The following NPHP4 variants were observed in gnomAD, a reference collection of about 807,000 sequenced individuals.
NPHP4 encodes the protein nephrocystin 4.
NPHP4 carries 151 observed loss-of-function variants against 155.8 expected under a neutral mutation model. That is an observed-to-expected ratio of 0.97 (90% CI 0.85 to 1.11). NPHP4 has a LOEUF of 1.11. Among genes scored for constraint, NPHP4 ranks in the 50% least tolerant of loss-of-function variants. The probability of loss-of-function intolerance (pLI) is 0.00; values close to 1 mark genes in which losing one functional copy is unlikely to be tolerated. For missense variants in NPHP4, 1,956 were observed against 1,925.7 expected (o/e 1.02, Z -0.29); for synonymous variants, 845 against 816.8 (o/e 1.03, Z -0.59).
intron 20 of NPHP4, among the ~76,000 whole-genome samples, chr1:5,875,310 G>A (rs947050360): frequency 6.7e-6 from 1 of 149,054 alleles, no homozygotes; most frequent in African/African-American, 2.5e-5. Context: ...ACAGAGATCT[G>A]CTGGCTGTGT....
At chr1:5,879,777 GCA>G (rs1228492162) in intron 19 of NPHP4, 280 of 349,632 alleles carry the variant, frequency 8.0e-4, no homozygotes, top group Middle Eastern at 1.9e-3. Context: ...CGAATGGTGC[GCA>G]CACACACACA....
At chr1:5,901,543 A>C (rs551756448) in intron 16 of NPHP4, among the ~76,000 whole-genome samples, 10 of 152,348 alleles carry the variant, frequency 6.6e-5, no homozygotes, top group African/African-American at 1.9e-4. Flanking sequence ...ATTTCTTTGG[A>C]CTTCAACTTG....
At position 5,986,032 on chromosome 1, in the gene NPHP4, C is replaced by T; in HGVS notation, c.135+123G>A. On this transcript the variant is annotated intron_variant, in intron 2 of 29. Transcript: ENST00000378156. ...AAAAACAGAATGGCTATATGGGTAC[C>T]ACCATAAAGTAGCAAAATCAAAAAT... The T allele has an allele frequency of 1.9e-6, 2 of 1,033,074 alleles. 1 individual carries two copies. The highest frequency in any genetic ancestry group is 5.1e-5 in the East Asian group (2 of 39,152). 64.0% of individuals were successfully genotyped at this position (1,033,074 alleles called of 1,614,324 possible).
chr1:5,881,146 C>T (rs910854484), intron 18 of NPHP4: 4 of 152,264 alleles, frequency 2.6e-5, no homozygotes, highest in Non-Finnish European at 5.9e-5. Flanking sequence ...GACTTCCACA[C>T]TGGCCAGGTC....
intron 9 of NPHP4, among the ~76,000 whole-genome samples, chr1:5,939,887 C>A (rs960318520): frequency 6.6e-6 from 1 of 152,098 alleles, no homozygotes. Flanking sequence ...GTTAGCCCAA[C>A]GCAGTTGACA....
Position 5,877,099 on chromosome 1 carries a change from G to A in NPHP4, c.2811C>T (p.Ser937=), listed in dbSNP as rs758757125. 8.6e-5 allele frequency: 134 copies of A among 1,564,666 alleles called. No homozygotes were observed. In the Admixed American group the frequency reaches 1.4e-3, roughly 16 times the overall value. The change falls in exon 20 of 30, where the codon AGC becomes AGT. Residue 937 remains serine, a synonymous_variant. Coordinates refer to ENST00000378156, the MANE Select transcript of NPHP4 (RefSeq NM_015102.5). The part of the protein sequence containing the change: ...AGGDLGRRGT[S]VLAQQSVRTQ... ...CAGCTGAACAAACCCTTACCAACAC[G>A]CTCGTCCCGCGCCGGCCCAAGTCTC...
intron 3 of NPHP4, among the ~76,000 whole-genome samples, chr1:5,977,647 A>G (rs1219026119): frequency 1.3e-5 from 2 of 150,916 alleles, no homozygotes; most frequent in African/African-American, 2.4e-5. Context: ...TATGCTGTGC[A>G]GTGAACCACA....
chr1:5,932,327 T>C (rs1255710259), intron 10 of NPHP4, among the ~76,000 whole-genome samples: 1 of 152,238 alleles, frequency 6.6e-6, no homozygotes, highest in Non-Finnish European at 1.5e-5. Flanking sequence ...ACTTTCAAAA[T>C]CATAGTCAAT....
At chr1:5,958,856 CAAAAA>C (rs397705325) in intron 6 of NPHP4, among the ~76,000 whole-genome samples, 2 of 75,874 alleles carry the variant, frequency 2.6e-5, no homozygotes, top group Admixed American at 1.7e-4. Context: ...GACCCTGTCT[CAAAAA>C]AAAAAAAAAA....
intron 9 of NPHP4, among the ~76,000 whole-genome samples, chr1:5,938,944 A>G (rs1322686809): frequency 6.6e-6 from 1 of 152,244 alleles, no homozygotes; most frequent in African/African-American, 2.4e-5. Context: ...TGACATTTTC[A>G]TTGACGGAAA....
Position 5,933,209 on chromosome 1 carries a change from G to A in NPHP4, c.1240C>T (p.Gln414Ter), listed in dbSNP as rs1173382344. 6.2e-7 allele frequency: 1 copy of A among 1,613,864 alleles called. No homozygotes were observed. The highest frequency in any genetic ancestry group is 1.1e-5 in the South Asian group (1 of 91,084). Residue 414 changes from glutamine (Q) to a stop codon, truncating the protein, a stop_gained, in exon 10 of 30, where the codon CAG (glutamine) becomes TAG (stop). Transcript: ENST00000378156. LOFTEE classifies it high-confidence loss of function. ...RVTLPLQGGI[Q>*]PNPSHCLVYK... is the part of the protein sequence containing the mutation. ...ACCAGACAGTGCGAGGGGTTGGGCT[G>A]GATCCCACCCTGCAGAGGCAGGGTC...
rs540402276 is a variant in NPHP4 at position 5,961,794 on chromosome 1, C to G, written c.673G>C (p.Gly225Arg). The G allele has an allele frequency of 6.2e-7, 1 of 1,610,610 alleles. No individual in the cohort carries two copies. Among genetic ancestry groups the G allele is most frequent in the Non-Finnish European group, 8.5e-7 (1 of 1,178,374 alleles). ...TGGAGAGAATCAAAGACGCCCTTACCGGATTCTCCATGAGCTGGAAGCAGG... is the reference window on the plus strand; with the variant it reads ...TGGAGAGAATCAAAGACGCCCTTACGGGATTCTCCATGAGCTGGAAGCAGG... ...PGLLPAHGESGDALRKPRLQK... is the reference protein window; with the variant it reads ...PGLLPAHGESRDALRKPRLQK... The change falls in exon 6 of 30, where the codon GGC (glycine) becomes CGC (arginine). Residue 225 changes from glycine to arginine, a missense_variant and splice_region_variant. Coordinates refer to ENST00000378156, the MANE Select transcript of NPHP4 (RefSeq NM_015102.5).
rs766088144 is a variant in NPHP4 at position 5,890,954 on chromosome 1, G to A, written c.2218C>T (p.Arg740Cys). The A allele has an allele frequency of 1.1e-5, 17 of 1,603,228 alleles. No homozygotes were observed. The highest frequency in any genetic ancestry group is 3.4e-5 in the Admixed American group (2 of 59,512). Residue 740 changes from arginine to cysteine, a missense_variant, in exon 17 of 30, where the codon CGC becomes TGC. Physicochemically the swap from Arg to Cys is radical, Grantham distance 180. Coordinates refer to ENST00000378156, the MANE Select transcript of NPHP4 (RefSeq NM_015102.5). The surrounding 1 kb of genome is among the most constrained non-coding windows in gnomAD (Gnocchi z 4.9). ...TGCAGGGTCTGCACGGCCAGGTAGC[G>A]GGCAAAGCAGCGCCGCTCACCTGGC... ...LKPGERRCFA[R>C]YLAVQTLQID... is the part of the protein sequence containing the mutation.
chr1:5,936,177 T>C (rs1646527726), intron 9 of NPHP4, among the ~76,000 whole-genome samples: 1 of 152,194 alleles, frequency 6.6e-6, no homozygotes, highest in African/African-American at 2.4e-5. Flanking sequence ...AAACATGCAT[T>C]TTTCCTCACT....
chr1:5,887,054 G>A (rs1419169942), intron 18 of NPHP4: 6 of 521,238 alleles, frequency 1.2e-5, no homozygotes, highest in East Asian at 6.1e-5. Flanking sequence ...AGGAGAGCCC[G>A]AGATGACTGA....
chr1:5,904,134 A>G (rs904762379), intron 16 of NPHP4, among the ~76,000 whole-genome samples: 7 of 152,358 alleles, frequency 4.6e-5, no homozygotes, highest in Non-Finnish European at 1.0e-4. Flanking sequence ...GAAACAACAG[A>G]GACAGGTACG....
At chr1:5,907,329 A>T (rs887674230) in intron 12 of NPHP4, 107 bp from the exon 13 acceptor site, 1 of 640,252 alleles carries the variant, frequency 1.6e-6, no homozygotes, top group Non-Finnish European at 2.6e-6. Flanking sequence ...CCCTGGATCC[A>T]GCCACGGAAG....
At chr1:5,946,198 C>A (rs952391321) in intron 9 of NPHP4, among the ~76,000 whole-genome samples, 1 of 152,132 alleles carries the variant, frequency 6.6e-6, no homozygotes, top group Non-Finnish European at 1.5e-5. Flanking sequence ...ATGGAAAAGG[C>A]GGAACTGCAT....
chr1:5,962,836 CG>C (rs1650604590), intron 5 of NPHP4, among the ~76,000 whole-genome samples: 1 of 152,188 alleles, frequency 6.6e-6, no homozygotes, highest in African/African-American at 2.4e-5. Context: ...TTCCCAGAAA[CG>C]GGAGTGCGGG....
Sources: gnomAD v4.1 joint callset for allele counts (sites outside exome capture counted in the v4.1 genomes callset) on GRCh38, gnomAD v4.1.1 for gene constraint, Gnocchi (gnomAD v3.1) non-coding constraint, MANE v1.5 for transcripts, NCBI Gene and HGNC (gene_info 2026-07-23, HGNC 2026-07-21) for gene names.